Variants in IL20RA observed in about 807,000 individuals in gnomAD.
IL20RA encodes the protein interleukin-20 receptor subunit alpha.
A neutral mutation model predicts 36.5 loss-of-function variants in IL20RA; 29 were observed. The ratio of observed to expected loss-of-function variants is 0.79; its 90% CI spans 0.59 to 1.08. The LOEUF (loss-of-function observed/expected upper bound fraction) is 1.08. Ranked by LOEUF, IL20RA falls within the 50% of genes least tolerant of loss-of-function variation. The pLI, the probability that IL20RA is intolerant of heterozygous loss-of-function variation, is 0.00. For synonymous variants in IL20RA, 279 were observed against 267.1 expected, an observed-to-expected ratio of 1.04 and a Z score of -0.43; for missense variants, 652 against 668.4, an observed-to-expected ratio of 0.98 and a Z score of 0.27.
intron 2 of IL20RA, among the ~76,000 whole-genome samples, chr6:137,013,226 A>G (rs1775559288): frequency 6.6e-6 from 1 of 152,182 alleles, no homozygotes; most frequent in African/African-American, 2.4e-5. Context: ...TGTGGCTTGA[A>G]GACTATTGCC....
intron 1 of IL20RA, among the ~76,000 whole-genome samples, chr6:137,029,254 T>C (rs1030381515): frequency 6.6e-6 from 1 of 152,218 alleles, no homozygotes; most frequent in Non-Finnish European, 1.5e-5. Flanking sequence ...GCACCTGTAA[T>C]CCCAGCGCTT....
In IL20RA at chr6:137,009,496, A is replaced by T. The variant is rs1434809539; in HGVS notation, c.404-4T>A. On this transcript the variant is annotated splice_region_variant and splice_polypyrimidine_tract_variant and intron_variant, in intron 3 of 6. Transcript: ENST00000316649. Reference sequence around the variant, plus strand: ...ACCTCTGGTGGGCCAATTTGTGCTTAAAGGGGGAGAAAGAGGGTATTATCA... The same window carrying T: ...ACCTCTGGTGGGCCAATTTGTGCTTTAAGGGGGAGAAAGAGGGTATTATCA... 6.3e-7 allele frequency: 1 copy of T among 1,582,106 alleles called. No individual in the cohort carries two copies. Among genetic ancestry groups the T allele is most frequent in the Non-Finnish European group, 8.7e-7 (1 of 1,151,138 alleles).
At position 137,001,506 on chromosome 6, in the gene IL20RA, G is replaced by A; in HGVS notation, c.*52C>T. 6.8e-7 allele frequency: 1 copy of A among 1,470,078 alleles called. No homozygotes were observed. The highest frequency in any genetic ancestry group is 1.8e-4 in the Middle Eastern group (1 of 5,484). 91.1% of individuals were successfully genotyped at this position (1,470,078 alleles called of 1,614,324 possible). A position where few individuals can be genotyped will look rare whatever the true frequency, so the allele number is the denominator to read the frequency against. On this transcript the variant is annotated 3_prime_UTR_variant, in exon 7 of 7. Coordinates refer to ENST00000316649, the MANE Select transcript of IL20RA (RefSeq NM_014432.4). ...AGGTACTTTATGGCTGGGATCAAAG[G>A]GGTGACTCACTTGTTTGCACAGGAA...
rs758869651 is a variant in IL20RA, at chr6:137,002,072, G to A, written c.1148C>T (p.Thr383Ile). 11 of 1,614,188 alleles carry A rather than the reference G, an allele frequency of 6.8e-6. No homozygotes were observed. The highest frequency in any genetic ancestry group is 9.3e-6 in the Non-Finnish European group (11 of 1,180,046). Residue 383 changes from threonine (T) to isoleucine (I), a missense_variant, in exon 7 of 7, where the codon ACC becomes ATC. Physicochemically the swap from Thr to Ile is moderately conservative, Grantham distance 89. Coordinates refer to ENST00000316649, the MANE Select transcript of IL20RA (RefSeq NM_014432.4). ...SEENTEGTSLTQQESLSRTIP... is the reference protein window; with the variant it reads ...SEENTEGTSLIQQESLSRTIP... ...TGTTCTGCTGAGGGACTCTTGCTGG[G>A]TGAGAGAAGTACCTTCCGTGTTTTC...
chr6:137,026,883 T>A (rs145671675), intron 1 of IL20RA, among the ~76,000 whole-genome samples: 1 of 152,022 alleles, frequency 6.6e-6, no homozygotes, highest in Non-Finnish European at 1.5e-5. Context: ...AAAAAGTAAG[T>A]CTTCTTTTTT....
At position 137,001,949 on chromosome 6, in the gene IL20RA, T is replaced by A; in HGVS notation, c.1271A>T (p.Glu424Val). ...CAATAATGTTCCTTGTGTGGACACC[T>A]CCTCCTGCAAACTGAGCTCCTGCTC... The part of the protein sequence containing the change: ...PEEQELSLQE[E>V]VSTQGTLLES... The change falls in exon 7 of 7, where the codon GAG (glutamate) becomes GTG (valine). Residue 424 changes from glutamate (E) to valine (V), a missense_variant. Transcript: ENST00000316649. 3 of 1,614,134 alleles carry A rather than the reference T, an allele frequency of 1.9e-6. No individual in the cohort carries two copies. The highest frequency in any genetic ancestry group is 2.5e-6 in the Non-Finnish European group (3 of 1,180,030).
At position 137,044,681 on chromosome 6, in the gene IL20RA, C is replaced by T. The variant is rs932725391; in HGVS notation, c.48G>A (p.Pro16=). 11 of 1,223,492 alleles carry T rather than the reference C, an allele frequency of 9.0e-6. No individual in the cohort carries two copies. The South Asian group carries it at 3.3e-4, about 36-fold the overall frequency. 75.8% of individuals were successfully genotyped at this position (1,223,492 alleles called of 1,614,324 possible). ...GCGCCGCCAGGAGCAACAGCAGCAG[C>T]GGCGGCAGCGGCAGCGGCCGCAGGG... ...RPALRPLPLP[P]LLLLLLAAPW... The change falls in exon 1 of 7, where the codon CCG becomes CCA. Residue 16 remains proline, a synonymous_variant. Coordinates refer to ENST00000316649, the MANE Select transcript of IL20RA (RefSeq NM_014432.4).
chr6:137,040,273 C>T (rs2115429811), intron 1 of IL20RA, among the ~76,000 whole-genome samples: 2 of 151,382 alleles, frequency 1.3e-5, no homozygotes, highest in South Asian at 4.2e-4. Flanking sequence ...TATATATACA[C>T]ACCCACAGAT....
rs780099085 is a variant in IL20RA, at chr6:137,038,205, C to CTTTTTTTTTTTTTTTTTTTT, written c.88+6416_88+6435dup. On this transcript the variant is annotated intron_variant, in intron 1 of 6. Transcript: ENST00000316649. ...TTCTTTCTATAGTTCTTTTGTTCTCCTTTTTTTTTTTTTTTTTTTTTTTTT... is the reference window on the plus strand; with the variant it reads ...TTCTTTCTATAGTTCTTTTGTTCTCCTTTTTTTTTTTTTTTTTTTTTTTTTTTTTTTTTTTTTTTTTTTTT... The CTTTTTTTTTTTTTTTTTTTT allele has an allele frequency of 8.4e-5, 6 of 71,420 alleles. 1 individual carries two copies. Among genetic ancestry groups the CTTTTTTTTTTTTTTTTTTTT allele is most frequent in the African/African-American group, 2.6e-4 (4 of 15,522 alleles). 4.4% of individuals were successfully genotyped at this position (71,420 alleles called of 1,614,324 possible). A position where few individuals can be genotyped will look rare whatever the true frequency, so the allele number is the denominator to read the frequency against.
chr6:137,042,999 C>T (rs1481203220), intron 1 of IL20RA: 6 of 152,188 alleles, frequency 3.9e-5, no homozygotes, highest in South Asian at 2.1e-4. Context: ...TCTCTTGGGT[C>T]AGAAAAGATT....
chr6:137,024,476 C>A (rs974505755), intron 1 of IL20RA, among the ~76,000 whole-genome samples: 1 of 152,206 alleles, frequency 6.6e-6, no homozygotes, highest in Admixed American at 6.5e-5. Flanking sequence ...TGAGATTTCA[C>A]ATCCCAAATT....
rs192738392 is a variant in IL20RA at position 137,030,000 on chromosome 6, A to G, written c.89-12897T>C. Among the ~76,000 whole-genome samples the G allele has an allele frequency of 6.0e-5, 9 of 150,758 alleles. No homozygotes were observed. The East Asian group carries it at 1.6e-3, about 26-fold the overall frequency. ...AATAATGGACAAAAGAGCATTAGAG[A>G]AAGGGAGGAAAATAGAGATTCTTTC... is the stretch of plus-strand genomic sequence containing the variant. On this transcript the variant is annotated intron_variant, in intron 1 of 6. Transcript: ENST00000316649.
At chr6:137,018,509 T>TGTGC (rs1377774413) in intron 1 of IL20RA, among the ~76,000 whole-genome samples, 2 of 98,720 alleles carry the variant, frequency 2.0e-5, no homozygotes, top group African/African-American at 3.8e-5. Flanking sequence ...ACCACTGCCG[T>TGTGC]GTGCGTGTGT....
intron 2 of IL20RA, among the ~76,000 whole-genome samples, chr6:137,015,640 T>C (rs574631494): frequency 6.6e-6 from 1 of 152,134 alleles, no homozygotes; most frequent in Non-Finnish European, 1.5e-5. Context: ...GCTTTTGCTC[T>C]CCATAATTTT....
intron 2 of IL20RA, among the ~76,000 whole-genome samples, chr6:137,014,882 C>T (rs1292088304): frequency 6.6e-6 from 1 of 152,146 alleles, no homozygotes; most frequent in East Asian, 1.9e-4. Context: ...TCTCTGTTAG[C>T]TGGAGGTCGT....
At chr6:137,029,018 G>C (rs1157435907) in intron 1 of IL20RA, among the ~76,000 whole-genome samples, 4 of 152,172 alleles carry the variant, frequency 2.6e-5, no homozygotes, top group African/African-American at 9.7e-5. Context: ...GGGATATTCT[G>C]ATCAGTGCGT....
intron 6 of IL20RA, among the ~76,000 whole-genome samples, chr6:137,002,993 T>A (rs973567191): frequency 6.6e-6 from 1 of 152,212 alleles, no homozygotes; most frequent in Admixed American, 6.5e-5. Context: ...GAAGCTCAGA[T>A]GAGATTAAAA....
At position 137,044,772 on chromosome 6, in the gene IL20RA, C is replaced by T; in HGVS notation, c.-44G>A. ...ACATGTCGGGGGGCAGCAGACTGCT[C>T]AGTCCCACGCCCGCTGGGGCCAAGC... On this transcript the variant is annotated 5_prime_UTR_variant, in exon 1 of 7. Coordinates refer to ENST00000316649, the MANE Select transcript of IL20RA (RefSeq NM_014432.4). 8.3e-7 allele frequency: 1 copy of T among 1,208,296 alleles called. No individual in the cohort carries two copies. Among genetic ancestry groups the T allele is most frequent in the South Asian group, 4.2e-5 (1 of 23,818 alleles). 74.8% of individuals were successfully genotyped at this position (1,208,296 alleles called of 1,614,324 possible).
chr6:137,013,094 T>G (rs78064273), intron 2 of IL20RA, among the ~76,000 whole-genome samples: 3,629 of 152,322 alleles, frequency 0.024, 54 homozygotes, highest in Admixed American at 0.037. Context: ...ATATTTAAAC[T>G]TTACCACATG....
Sources: allele counts gnomAD v4.1 joint callset (sites outside exome capture counted in the v4.1 genomes callset), GRCh38; gene constraint gnomAD v4.1.1; transcripts MANE v1.5; gene names NCBI Gene and HGNC (gene_info 2026-07-23, HGNC 2026-07-21).